Variants in RAB28 observed in about 807,000 individuals in gnomAD.
The protein encoded by RAB28 is ras-related protein Rab-28.
Under a neutral mutation model 31.7 loss-of-function variants are expected in RAB28, and 24 were observed. That is an observed-to-expected ratio of 0.76 (90% CI 0.55 to 1.06). The LOEUF is 1.06. Among genes scored for constraint, RAB28 ranks in the 50% least tolerant of loss-of-function variants. The pLI is 0.00. For synonymous variants in RAB28, 100 were observed against 90.4 expected (o/e 1.11, Z -0.60); for missense variants, 254 against 258.5 (o/e 0.98, Z 0.12).
intron 1 of RAB28, among the ~76,000 whole-genome samples, 183 bp from the exon 2 acceptor site, chr4:13,479,709 C>A (rs1340864320): frequency 6.6e-6 from 1 of 151,426 alleles, no homozygotes; most frequent in Non-Finnish European, 1.5e-5. Context: ...TTTTACTTGC[C>A]AGCAGCTATC....
intron 3 of RAB28, among the ~76,000 whole-genome samples, chr4:13,462,414 G>A (rs980103595): frequency 1.3e-5 from 2 of 152,138 alleles, no homozygotes; most frequent in African/African-American, 2.4e-5. Context: ...TAGTGATAGA[G>A]ATTAGGCATA....
intron 4 of RAB28, among the ~76,000 whole-genome samples, chr4:13,415,513 G>C (rs1363714219): frequency 6.6e-6 from 1 of 152,132 alleles, no homozygotes; most frequent in Admixed American, 6.5e-5. Context: ...CTGCCGGCCC[G>C]GGCAATGAGG....
intron 6 of RAB28, chr4:13,370,721 AC>A (rs1728683577): frequency 2.0e-6 from 2 of 985,076 alleles, no homozygotes; most frequent in Non-Finnish European, 2.4e-6. Flanking sequence ...TAACCTCCAT[AC>A]TTCCAAATTC....
intron 4 of RAB28, among the ~76,000 whole-genome samples, chr4:13,416,088 C>A (rs1196732651): frequency 2.0e-5 from 3 of 152,116 alleles, no homozygotes; most frequent in Non-Finnish European, 2.9e-5. Context: ...AAAACAGACT[C>A]GGCTCTCTGT....
intron 4 of RAB28, among the ~76,000 whole-genome samples, chr4:13,413,564 G>A (rs1308071208): frequency 6.6e-6 from 1 of 152,082 alleles, no homozygotes; most frequent in Non-Finnish European, 1.5e-5. Flanking sequence ...AGTTTTAAGA[G>A]AGAAAATGAA....
chr4:13,383,715 GTA>G (rs1577157634), intron 4 of RAB28, among the ~76,000 whole-genome samples: 1 of 152,196 alleles, frequency 6.6e-6, no homozygotes, highest in East Asian at 1.9e-4. Flanking sequence ...TCTCATGATA[GTA>G]AATAAGTTCT....
At chr4:13,465,518 T>A (rs1312211623) in intron 3 of RAB28, among the ~76,000 whole-genome samples, 18 of 147,398 alleles carry the variant, frequency 1.2e-4, no homozygotes, top group Admixed American at 5.4e-4. Context: ...ACAGAAAATT[T>A]AAAAAAAAAA....
chr4:13,415,366 G>A (rs1019951146), intron 4 of RAB28, among the ~76,000 whole-genome samples: 1 of 152,188 alleles, frequency 6.6e-6, no homozygotes, highest in Non-Finnish European at 1.5e-5. Context: ...TGAGGCCGGA[G>A]CCGGCTCCCT....
chr4:13,450,838 A>G (rs927463589), intron 4 of RAB28, among the ~76,000 whole-genome samples: 1 of 151,872 alleles, frequency 6.6e-6, no homozygotes, highest in African/African-American at 2.4e-5. Context: ...AATTCTAAGT[A>G]TGATACAAAT....
intron 4 of RAB28, among the ~76,000 whole-genome samples, chr4:13,441,740 A>G (rs1378829092): frequency 6.6e-6 from 1 of 152,260 alleles, no homozygotes; most frequent in Non-Finnish European, 1.5e-5. Flanking sequence ...AAGAAAACTT[A>G]CAAGTAACAT....
intron 4 of RAB28, among the ~76,000 whole-genome samples, chr4:13,440,346 A>C (rs1714351925): frequency 6.6e-6 from 1 of 151,996 alleles, no homozygotes. Context: ...TGAGGATAGA[A>C]AAAAAAAGTG....
At chr4:13,443,512 A>G (rs1714528241) in intron 4 of RAB28, among the ~76,000 whole-genome samples, 1 of 152,232 alleles carries the variant, frequency 6.6e-6, no homozygotes, top group Non-Finnish European at 1.5e-5. Flanking sequence ...CTAAATCATA[A>G]GCACTAAGTG....
chr4:13,410,364 T>A (rs753136235), intron 4 of RAB28, among the ~76,000 whole-genome samples: 1 of 151,974 alleles, frequency 6.6e-6, no homozygotes, highest in Non-Finnish European at 1.5e-5. Context: ...CGGATAAGGG[T>A]CTTAGTTTGC....
intron 6 of RAB28, chr4:13,370,219 G>C: frequency 5.1e-6 from 5 of 970,968 alleles, no homozygotes; most frequent in Non-Finnish European, 6.1e-6. Context: ...TTTAATTACT[G>C]AAATAGATAT....
intron 4 of RAB28, among the ~76,000 whole-genome samples, chr4:13,394,359 C>A (rs1210474327): frequency 6.6e-6 from 1 of 152,138 alleles, no homozygotes; most frequent in African/African-American, 2.4e-5. Context: ...GAACACACAA[C>A]CTAGATCCCT....
At chr4:13,417,918 CA>C (rs1712891831) in intron 4 of RAB28, among the ~76,000 whole-genome samples, 1 of 152,166 alleles carries the variant, frequency 6.6e-6, no homozygotes, top group Non-Finnish European at 1.5e-5. Context: ...CTGACAGAAG[CA>C]GGCTTCAGAA....
chr4:13,398,761 G>C (rs1353095114), intron 4 of RAB28, among the ~76,000 whole-genome samples: 2 of 146,038 alleles, frequency 1.4e-5, no homozygotes, highest in African/African-American at 5.1e-5. Flanking sequence ...CTGGGTGACA[G>C]AGCAAGACTC....
intron 6 of RAB28, among the ~76,000 whole-genome samples, chr4:13,375,768 A>ACACACACAC (rs1728894857): frequency 9.4e-5 from 14 of 148,166 alleles, no homozygotes; most frequent in African/African-American, 3.5e-4. Context: ...ATTGTTTTAA[A>ACACACACAC]ACACACACAC....
At position 13,416,752 on chromosome 4, in the gene RAB28, C is replaced by A. The variant is rs561394848; in HGVS notation, c.392-35158G>T. The stretch of plus-strand genomic sequence containing the variant: ...GATCTGTCAAAACTCATTAAATGCA[C>A]ACAAACGAAGATTCCATTCCAAGAT... On this transcript the variant is annotated intron_variant, in intron 4 of 6. Coordinates refer to ENST00000330852, the MANE Select transcript of RAB28 (RefSeq NM_001017979.3). 7.6e-4 allele frequency among the ~76,000 whole-genome samples: 115 copies of A among 152,286 alleles called. 1 individual carries two copies. The highest frequency in any genetic ancestry group is 2.7e-3 in the African/African-American group (111 of 41,556).
Sources: allele counts gnomAD v4.1 joint callset (sites outside exome capture counted in the v4.1 genomes callset), GRCh38; gene constraint gnomAD v4.1.1; transcripts MANE v1.5; gene names NCBI Gene and HGNC (gene_info 2026-07-23, HGNC 2026-07-21).